DAB1: variants seen among roughly 807,000 people sequenced by gnomAD.
The protein encoded by DAB1 is disabled homolog 1.
Under a neutral mutation model 64.6 loss-of-function variants are expected in DAB1, and 15 were observed. That is an observed-to-expected ratio of 0.23 (90% CI 0.16 to 0.36). The LOEUF (loss-of-function observed/expected upper bound fraction) is 0.36, where lower values mean the gene tolerates loss of function less well. Among genes scored for constraint, DAB1 ranks in the 10% least tolerant of loss-of-function variants. The pLI, the probability that DAB1 is intolerant of heterozygous loss-of-function variation, is 1.00. For missense variants in DAB1, 596 were observed against 706.7 expected (o/e 0.84, Z 1.78); for synonymous variants, 235 against 251.9 (o/e 0.93, Z 0.64).
intron 4 of DAB1, among the ~76,000 whole-genome samples, chr1:57,087,946 T>C (rs1018470576): frequency 6.6e-6 from 1 of 152,192 alleles, no homozygotes; most frequent in African/African-American, 2.4e-5. Flanking sequence ...GAAAGTAGGA[T>C]GCGCTGTTGA....
At chr1:57,728,068 T>C (rs1647257842) in intron 6 of DAB1, among the ~76,000 whole-genome samples, 2 of 152,110 alleles carry the variant, frequency 1.3e-5, no homozygotes, top group Admixed American at 1.3e-4. Flanking sequence ...TCCTTTCTTA[T>C]AGAGAAGTTA....
intron 2 of DAB1, among the ~76,000 whole-genome samples, chr1:57,186,601 G>A (rs17115278): frequency 0.045 from 6,850 of 152,192 alleles, 452 homozygotes; most frequent in Admixed American, 0.19. Flanking sequence ...GACATAATCC[G>A]CAAAGAGGGA....
chr1:58,473,961 C>G lies in DAB1; in HGVS notation n.257+32099G>C, dbSNP rs1014816762. On this transcript the variant is annotated intron_variant and non_coding_transcript_variant, in intron 3 of 20. Coordinates refer to the DAB1 transcript ENST00000485760. ...TGGCTGTTCAATAAACTTCTCTTCC[C>G]GGACAAGCTGTCACATGCACGTAAA... is the stretch of plus-strand genomic sequence containing the variant. 5 of 1,277,866 alleles carry G rather than the reference C, an allele frequency of 3.9e-6. No homozygotes were observed. The Admixed American group carries it at 6.9e-5, about 18-fold the overall frequency. The allele number at this position is 1,277,866 out of a possible 1,614,324, so 79.2% of individuals were successfully genotyped here.
intron 4 of DAB1, among the ~76,000 whole-genome samples, chr1:58,243,240 A>AG (rs1407773312): frequency 1.3e-5 from 2 of 152,084 alleles, no homozygotes; most frequent in Admixed American, 6.5e-5. Flanking sequence ...TTCCAAAAAA[A>AG]GAAAAAAAAA....
intron 3 of DAB1, among the ~76,000 whole-genome samples, chr1:58,460,108 T>C (rs1384573098): frequency 5.3e-5 from 8 of 152,212 alleles, no homozygotes; most frequent in African/African-American, 1.9e-4. Context: ...AAACATGAAC[T>C]GGGCTAAGTG....
intron 3 of DAB1, among the ~76,000 whole-genome samples, chr1:58,494,214 T>C (rs1425863216): frequency 6.6e-6 from 1 of 152,180 alleles, no homozygotes; most frequent in Non-Finnish European, 1.5e-5. Context: ...TGGCTAGCCA[T>C]ATGGAGAAAG....
intron 5 of DAB1, among the ~76,000 whole-genome samples, chr1:58,003,483 G>T (rs1646536311): frequency 6.6e-6 from 1 of 152,148 alleles, no homozygotes; most frequent in African/African-American, 2.4e-5. Context: ...ACAATTCCCT[G>T]CATTCTTCTG....
chr1:57,940,240 T>A (rs767519786), intron 5 of DAB1, among the ~76,000 whole-genome samples: 3 of 152,214 alleles, frequency 2.0e-5, no homozygotes, highest in Non-Finnish European at 4.4e-5. Context: ...TTGAGGGCCA[T>A]GATGCCGGCT....
intron 2 of DAB1, among the ~76,000 whole-genome samples, chr1:57,288,399 C>T (rs963064200): frequency 6.6e-6 from 1 of 152,042 alleles, no homozygotes; most frequent in Non-Finnish European, 1.5e-5. Context: ...AAGCCCTGAA[C>T]CCCAGTGGCA....
chr1:57,452,782 C>G (rs1276478373), intron 7 of DAB1, among the ~76,000 whole-genome samples: 2 of 151,954 alleles, frequency 1.3e-5, no homozygotes, highest in African/African-American at 4.8e-5. Context: ...ACCTTATCTG[C>G]CTTGTTCTAA....
At chr1:57,930,227 T>C (rs191436793) in intron 5 of DAB1, among the ~76,000 whole-genome samples, 119 of 152,362 alleles carry the variant, frequency 7.8e-4, no homozygotes, top group African/African-American at 2.6e-3. Context: ...GGGCTTTCTA[T>C]TCTGTTCCAT....
At chr1:57,569,156 G>A (rs1032724939) in intron 7 of DAB1, among the ~76,000 whole-genome samples, 6 of 149,220 alleles carry the variant, frequency 4.0e-5, no homozygotes, top group African/African-American at 1.5e-4. Context: ...TACTCGGGAG[G>A]CTGAGGCAGG....
intron 6 of DAB1, among the ~76,000 whole-genome samples, chr1:57,809,972 T>A (rs1286711466): frequency 6.6e-6 from 1 of 152,140 alleles, no homozygotes; most frequent in Non-Finnish European, 1.5e-5. Flanking sequence ...GCTTTCCAAA[T>A]TTCCTGTTGC....
At chr1:57,441,327 TCCTTC>T (rs1472884260) in intron 7 of DAB1, among the ~76,000 whole-genome samples, 27 of 79,188 alleles carry the variant, frequency 3.4e-4, no homozygotes, top group East Asian at 5.9e-4. Context: ...TCTTCTTTCC[TCCTTC>T]TTCTTTCTTT....
intron 1 of DAB1, among the ~76,000 whole-genome samples, chr1:57,877,188 C>A (rs1644061095): frequency 6.6e-6 from 1 of 152,116 alleles, no homozygotes; most frequent in Non-Finnish European, 1.5e-5. Flanking sequence ...CCCAAAGCCA[C>A]AGAGCTGGTT....
At chr1:57,629,345 G>A (rs186323682) in intron 7 of DAB1, among the ~76,000 whole-genome samples, 6 of 152,212 alleles carry the variant, frequency 3.9e-5, no homozygotes, top group African/African-American at 1.2e-4. Flanking sequence ...TGTGACCACT[G>A]GCTGCAGTGT....
At chr1:57,814,327 T>G (rs115525791) in intron 6 of DAB1, among the ~76,000 whole-genome samples, 162 of 152,350 alleles carry the variant, frequency 1.1e-3, no homozygotes, top group Middle Eastern at 3.4e-3. Flanking sequence ...TTTACAATTA[T>G]GGCCCTGGCC....
At chr1:57,626,362 TAGA>T (rs1645923596) in intron 7 of DAB1, among the ~76,000 whole-genome samples, 2 of 152,308 alleles carry the variant, frequency 1.3e-5, no homozygotes, top group Admixed American at 1.3e-4. Flanking sequence ...AATCTATTAC[TAGA>T]AGATGACCAT....
At position 58,127,241 on chromosome 1, in the gene DAB1, G is replaced by C. The variant is rs1413552663; in HGVS notation, n.387+23270C>G. Among the ~76,000 whole-genome samples, 2 of 152,242 alleles carry C rather than the reference G, an allele frequency of 1.3e-5. 1 individual carries two copies. Among genetic ancestry groups the C allele is most frequent in the South Asian group, 4.2e-4 (2 of 4,814 alleles). On this transcript the variant is annotated intron_variant and non_coding_transcript_variant, in intron 5 of 20. Coordinates refer to the DAB1 transcript ENST00000485760. ...TGAGCATTTTTTCATGTGTTTCTTG[G>C]CTGCATAAATGTCTTCTTTTGAGAA...
Sources: gnomAD v4.1 joint callset for allele counts (sites outside exome capture counted in the v4.1 genomes callset) on GRCh38, gnomAD v4.1.1 for gene constraint, MANE v1.5 for transcripts, NCBI Gene and HGNC (gene_info 2026-07-23, HGNC 2026-07-21) for gene names.